ASH1L: variants seen among roughly 807,000 people sequenced by gnomAD.
ASH1L encodes the protein ASH1 like histone lysine methyltransferase.
A neutral mutation model predicts 269.0 loss-of-function variants in ASH1L; 23 were observed. The observed-to-expected ratio is 0.09, with a 90% CI of 0.06 to 0.12. The LOEUF is 0.12. Ranked by LOEUF, ASH1L falls within the 10% of genes least tolerant of loss-of-function variation. The pLI, the probability that ASH1L is intolerant of heterozygous loss-of-function variation, is 1.00. For synonymous variants in ASH1L, 1,187 were observed against 1,253.5 expected (o/e 0.95, Z 1.12); for missense variants, 2,912 against 3,567.8 (o/e 0.82, Z 4.68).
chr1:155,538,015 TTTTA>T (rs1399596599), intron 1 of ASH1L, among the ~76,000 whole-genome samples: 5 of 151,982 alleles, frequency 3.3e-5, no homozygotes, highest in Non-Finnish European at 5.9e-5. Flanking sequence ...ATTTTTTAAT[TTTTA>T]TTTATTTTTT....
At chr1:155,509,019 A>AAG (rs1667992422) in intron 2 of ASH1L, among the ~76,000 whole-genome samples, 1 of 152,206 alleles carries the variant, frequency 6.6e-6, no homozygotes, top group Admixed American at 6.5e-5. Context: ...ACCACAGATA[A>AAG]AGATGAACAA....
Position 155,337,322 on chromosome 1 carries a change from A to C in ASH1L, c.*338T>G, listed in dbSNP as rs769126222. On this transcript the variant is annotated 3_prime_UTR_variant, in exon 28 of 28. Coordinates refer to ENST00000392403, the MANE Select transcript of ASH1L (RefSeq NM_018489.3). ...TTCTTCGCAATGCCTGTGGGATCTG[A>C]GGATGACAGAAAAACCTAAGCTGTG... 52 of 187,606 alleles carry C rather than the reference A, an allele frequency of 2.8e-4. No individual in the cohort carries two copies. Among genetic ancestry groups the C allele is most frequent in the Non-Finnish European group, 4.3e-4 (39 of 90,296 alleles). The allele number at this position is 187,606 out of a possible 1,614,324, so 11.6% of individuals were successfully genotyped here.
chr1:155,355,282 A>G (rs1240607618), intron 15 of ASH1L, among the ~76,000 whole-genome samples: 1 of 152,114 alleles, frequency 6.6e-6, no homozygotes, highest in Non-Finnish European at 1.5e-5. Context: ...AACTCCTGAC[A>G]TCAGGTGATC....
chr1:155,383,951 T>TA (rs139668237), intron 7 of ASH1L, among the ~76,000 whole-genome samples: 1 of 151,916 alleles, frequency 6.6e-6, no homozygotes, highest in African/African-American at 2.4e-5. Context: ...TACTGGAAGT[T>TA]AAAAAAAATG....
At chr1:155,504,214 A>G (rs1385768311) in intron 2 of ASH1L, among the ~76,000 whole-genome samples, 2 of 152,322 alleles carry the variant, frequency 1.3e-5, no homozygotes, top group East Asian at 1.9e-4. Context: ...CTTAATTGCT[A>G]TATTTTTTAG....
At chr1:155,513,430 G>A (rs1168065819) in intron 2 of ASH1L, among the ~76,000 whole-genome samples, 1 of 151,890 alleles carries the variant, frequency 6.6e-6, no homozygotes, top group African/African-American at 2.4e-5. Context: ...AAATGAGCCA[G>A]GAGTGGTTGT....
At chr1:155,418,390 G>C (rs1051596802) in intron 5 of ASH1L, among the ~76,000 whole-genome samples, 6 of 152,048 alleles carry the variant, frequency 3.9e-5, no homozygotes, top group Admixed American at 1.3e-4. Flanking sequence ...GTACTTAACA[G>C]CAAATAAGGC....
chr1:155,561,819 C>G (rs1470285278), intron 1 of ASH1L, among the ~76,000 whole-genome samples: 268 of 150,190 alleles, frequency 1.8e-3, no homozygotes, highest in African/African-American at 6.4e-3. Flanking sequence ...ACTCTTATCC[C>G]TTAATTAAAC....
At chr1:155,344,097 A>T (rs1405597027) in intron 22 of ASH1L, 86 bp downstream of exon 22, 3 of 1,204,572 alleles carry the variant, frequency 2.5e-6, no homozygotes, top group Non-Finnish European at 3.6e-6. Flanking sequence ...CCGTATGGAG[A>T]CAATGACTAT....
chr1:155,392,026 C>A (rs1657971607), intron 7 of ASH1L, among the ~76,000 whole-genome samples: 1 of 152,038 alleles, frequency 6.6e-6, no homozygotes, highest in African/African-American at 2.4e-5. Flanking sequence ...TGCATTAGAG[C>A]AACCAGTTAC....
intron 17 of ASH1L, 133 bp from the exon 18 acceptor site, chr1:155,349,729 T>C: frequency 1.1e-6 from 1 of 905,328 alleles, no homozygotes. Flanking sequence ...TTTTTTTTTT[T>C]TTTTTGAGAC....
Position 155,434,267 on chromosome 1 carries a change from C to T in ASH1L, c.5828+4060G>A, listed in dbSNP as rs540344533. 3.8e-6 allele frequency: 6 copies of T among 1,598,514 alleles called. No individual in the cohort carries two copies. The East Asian group carries it at 1.1e-4, about 30-fold the overall frequency. ...TCTCCCATGCATTCAAACTGAGGTG[C>T]CTGCCCTTCTAGGAATGGGGGACAG... On this transcript the variant is annotated intron_variant, in intron 5 of 27. Coordinates refer to ENST00000392403, the MANE Select transcript of ASH1L (RefSeq NM_018489.3).
At chr1:155,359,213 C>A (rs2148378110) in intron 13 of ASH1L, among the ~76,000 whole-genome samples, 1 of 152,318 alleles carries the variant, frequency 6.6e-6, no homozygotes, top group Middle Eastern at 3.4e-3. Context: ...ACTCCTGTCT[C>A]AGCCTCTTGA....
At chr1:155,457,514 TAAGTA>T (rs915460092) in intron 4 of ASH1L, among the ~76,000 whole-genome samples, 12 of 152,222 alleles carry the variant, frequency 7.9e-5, no homozygotes, top group African/African-American at 2.9e-4. Context: ...CTTGCCTACT[TAAGTA>T]AATTCAATAT....
intron 5 of ASH1L, 126 bp from the exon 6 acceptor site, chr1:155,416,049 A>G (rs1036570461): frequency 4.3e-6 from 3 of 690,304 alleles, no homozygotes; most frequent in Non-Finnish European, 6.8e-6. Context: ...TTATCTGGCC[A>G]TGTTTAAATA....
intron 12 of ASH1L, chr1:155,370,168 A>C: frequency 3.9e-6 from 1 of 258,418 alleles, no homozygotes; most frequent in Non-Finnish European, 7.6e-6. Context: ...CCTCTCAAAT[A>C]GCTGGGACTA....
At chr1:155,382,138 G>A (rs1657025682) in intron 7 of ASH1L, among the ~76,000 whole-genome samples, 1 of 150,506 alleles carries the variant, frequency 6.6e-6, no homozygotes, top group Non-Finnish European at 1.5e-5. Flanking sequence ...ACTGGGAGGT[G>A]GAGGTTGCAG....
intron 10 of ASH1L, among the ~76,000 whole-genome samples, chr1:155,376,934 T>C (rs1656508199): frequency 6.8e-6 from 1 of 147,152 alleles, no homozygotes; most frequent in Non-Finnish European, 1.5e-5. Context: ...GGAGATGGAG[T>C]TTCCCTCTTG....
At chr1:155,474,192 A>G (rs1665352721) in intron 3 of ASH1L, among the ~76,000 whole-genome samples, 1 of 152,162 alleles carries the variant, frequency 6.6e-6, no homozygotes, top group Admixed American at 6.5e-5. Context: ...TGCTCTGCTT[A>G]TAAAGTTGCA....
Sources: allele counts gnomAD v4.1 joint callset (sites outside exome capture counted in the v4.1 genomes callset), GRCh38; gene constraint gnomAD v4.1.1; transcripts MANE v1.5; gene names NCBI Gene and HGNC (gene_info 2026-07-23, HGNC 2026-07-21).